The following WWOX variants were observed in gnomAD, a reference collection of about 807,000 sequenced individuals.
WWOX encodes WW domain containing oxidoreductase.
Under a neutral mutation model 46.2 loss-of-function variants are expected in WWOX, and 69 were observed. The observed-to-expected ratio is 1.49, with a 90% CI of 1.23 to 1.82. The LOEUF is 1.82. Among genes scored for constraint, WWOX ranks in the 40% most tolerant of loss-of-function variants. The probability of loss-of-function intolerance (pLI) is 0.00; values close to 1 mark genes in which losing one functional copy is unlikely to be tolerated. For missense variants in WWOX, 919 were observed against 542.6 expected, an observed-to-expected ratio of 1.69 and a Z score of -6.89; for synonymous variants, 359 against 202.6, an observed-to-expected ratio of 1.77 and a Z score of -6.56.
intron 8 of WWOX, among the ~76,000 whole-genome samples, chr16:78,450,538 C>G (rs900274273): frequency 2.0e-5 from 3 of 152,138 alleles, no homozygotes; most frequent in African/African-American, 7.2e-5. Flanking sequence ...TGTGTATCAA[C>G]TACTGAGACC....
intron 8 of WWOX, among the ~76,000 whole-genome samples, chr16:78,583,504 T>G (rs2045115287): frequency 6.6e-6 from 1 of 152,178 alleles, no homozygotes; most frequent in African/African-American, 2.4e-5. Flanking sequence ...TCCCAGGTCA[T>G]AAAATGTAAT....
At chr16:78,861,389 A>G (rs1004201927) in intron 8 of WWOX, among the ~76,000 whole-genome samples, 4 of 152,158 alleles carry the variant, frequency 2.6e-5, no homozygotes, top group Admixed American at 2.0e-4. Flanking sequence ...ATGTAAAATG[A>G]TTTACAGAAG....
intron 8 of WWOX, among the ~76,000 whole-genome samples, chr16:78,774,733 T>A (rs375285981): frequency 6.6e-6 from 1 of 151,746 alleles, no homozygotes; most frequent in Non-Finnish European, 1.5e-5. Flanking sequence ...CACACACACA[T>A]ACACACACAT....
At chr16:78,967,612 T>C (rs1214078617) in intron 8 of WWOX, among the ~76,000 whole-genome samples, 1 of 151,928 alleles carries the variant, frequency 6.6e-6, no homozygotes, top group Admixed American at 6.6e-5. Flanking sequence ...ATACCCCCTA[T>C]GTAGACTTTT....
rs571537941 is a variant in WWOX, at chr16:79,040,506, G to A, written c.1057-171102G>A. On this transcript the variant is annotated intron_variant, in intron 8 of 8. Coordinates refer to ENST00000566780, the MANE Select transcript of WWOX (RefSeq NM_016373.4). ...GCCCAGGCTGGTCTCGAACTCCTGA[G>A]CTCAGGTGATCTACCTACCTTGGCC... is the stretch of plus-strand genomic sequence containing the variant. 2.0e-5 allele frequency among the ~76,000 whole-genome samples: 3 copies of A among 152,146 alleles called. No individual in the cohort carries two copies. The South Asian group carries it at 6.2e-4, about 32-fold the overall frequency.
chr16:78,501,397 G>T (rs1266827883), intron 8 of WWOX, among the ~76,000 whole-genome samples: 1 of 151,986 alleles, frequency 6.6e-6, no homozygotes, highest in Non-Finnish European at 1.5e-5. Flanking sequence ...CTAGGTATCT[G>T]TGAATGTGTA....
At chr16:78,413,637 C>G (rs1022564326) in intron 6 of WWOX, among the ~76,000 whole-genome samples, 26 of 151,220 alleles carry the variant, frequency 1.7e-4, no homozygotes, top group Admixed American at 7.9e-4. Context: ...TTGCTTCAGG[C>G]CATCTGGATG....
intron 8 of WWOX, among the ~76,000 whole-genome samples, chr16:78,581,695 T>G (rs1050608404): frequency 6.6e-6 from 1 of 152,160 alleles, no homozygotes; most frequent in African/African-American, 2.4e-5. Flanking sequence ...TACCAGTACA[T>G]TTTTTAGGTG....
At chr16:78,478,478 C>T (rs2084406858) in intron 8 of WWOX, among the ~76,000 whole-genome samples, 4 of 152,308 alleles carry the variant, frequency 2.6e-5, no homozygotes, top group Admixed American at 1.3e-4. Context: ...ACGTATTTCC[C>T]TCCCTTCCAC....
intron 1 of WWOX, among the ~76,000 whole-genome samples, chr16:78,101,360 T>TTTTTTTTTTTTTTTC: frequency 7.7e-6 from 1 of 129,600 alleles, no homozygotes; most frequent in Non-Finnish European, 1.7e-5. Context: ...TTTTTTTTTT[T>TTTTTTTTTTTTTTTC]TTTAAAGACA....
At chr16:78,816,170 A>G (rs962774167) in intron 8 of WWOX, among the ~76,000 whole-genome samples, 6 of 151,960 alleles carry the variant, frequency 3.9e-5, no homozygotes, top group African/African-American at 1.5e-4. Context: ...CCCTAACTGG[A>G]CCCCCTCTGA....
intron 6 of WWOX, among the ~76,000 whole-genome samples, chr16:78,392,261 G>T (rs116121328): frequency 1.6e-4 from 25 of 152,108 alleles, no homozygotes; most frequent in African/African-American, 5.5e-4. Flanking sequence ...TCATAGGACC[G>T]TGATCCCTAT....
intron 5 of WWOX, among the ~76,000 whole-genome samples, chr16:78,327,612 C>A (rs1329005175): frequency 6.6e-6 from 1 of 152,140 alleles, no homozygotes; most frequent in African/African-American, 2.4e-5. Context: ...AACCTCTTTG[C>A]CATGACACAG....
chr16:78,502,916 C>T (rs1309596663), intron 8 of WWOX, among the ~76,000 whole-genome samples: 1 of 152,144 alleles, frequency 6.6e-6, no homozygotes, highest in Non-Finnish European at 1.5e-5. Flanking sequence ...GGCCTCCCTG[C>T]TTCCAGCGAT....
intron 8 of WWOX, among the ~76,000 whole-genome samples, chr16:78,608,804 T>A (rs1470926116): frequency 1.3e-5 from 2 of 152,108 alleles, no homozygotes; most frequent in Non-Finnish European, 2.9e-5. Flanking sequence ...GGTTGAAGTA[T>A]CTGTTCCCTC....
At chr16:78,937,413 A>G (rs368532174) in intron 8 of WWOX, among the ~76,000 whole-genome samples, 39 of 149,208 alleles carry the variant, frequency 2.6e-4, no homozygotes, top group African/African-American at 9.7e-4. Flanking sequence ...TGGAGGTGCT[A>G]AACATACCTT....
chr16:78,417,053 T>TGTGTGTGTGTG (rs2082814720), intron 6 of WWOX, among the ~76,000 whole-genome samples: 1 of 103,206 alleles, frequency 9.7e-6, no homozygotes, highest in African/African-American at 9.7e-5. Flanking sequence ...GTGTGTGTGT[T>TGTGTGTGTGTG]TGCTTCTTTA....
At chr16:78,941,156 A>T (rs2045843836) in intron 8 of WWOX, among the ~76,000 whole-genome samples, 1 of 152,158 alleles carries the variant, frequency 6.6e-6, no homozygotes, top group Non-Finnish European at 1.5e-5. Flanking sequence ...AGATATACTG[A>T]ACTGGTGCAT....
intron 8 of WWOX, chr16:78,756,871 G>T: frequency 1.4e-6 from 1 of 702,286 alleles, no homozygotes; most frequent in Non-Finnish European, 2.6e-6. Context: ...ATCAGAGCAT[G>T]TGACTTACGA....
Sources: allele counts gnomAD v4.1 joint callset (sites outside exome capture counted in the v4.1 genomes callset), GRCh38; gene constraint gnomAD v4.1.1; transcripts MANE v1.5; gene names NCBI Gene and HGNC (gene_info 2026-07-23, HGNC 2026-07-21).